The following DCBLD2 variants were observed in gnomAD, a reference collection of about 807,000 sequenced individuals.
DCBLD2 encodes the protein discoidin, CUB and LCCL domain-containing protein 2.
DCBLD2 carries 54 observed loss-of-function variants against 86.8 expected under a neutral mutation model. The ratio of observed to expected loss-of-function variants is 0.62; its 90% CI spans 0.50 to 0.78. The LOEUF is 0.78. Ranked by LOEUF, DCBLD2 falls within the 30% of genes least tolerant of loss-of-function variation. The pLI is 0.00. For synonymous variants in DCBLD2, 354 were observed against 341.3 expected (o/e 1.04, Z -0.41); for missense variants, 908 against 954.2 (o/e 0.95, Z 0.64).
intron 1 of DCBLD2, among the ~76,000 whole-genome samples, chr3:98,884,395 C>A (rs1943523975): frequency 1.3e-5 from 2 of 150,146 alleles, no homozygotes; most frequent in African/African-American, 2.5e-5. Context: ...TAGGATGTTA[C>A]ACAGTCCATA....
At chr3:98,844,343 T>TTTATTATTATTATTATTATTATTATTA (rs10530611) in intron 3 of DCBLD2, among the ~76,000 whole-genome samples, 15 of 145,894 alleles carry the variant, frequency 1.0e-4, no homozygotes, top group African/African-American at 2.5e-4. Context: ...GTCAGTAGCA[T>TTTATTATTATTATTATTATTATTATTA]TTATTATTAT....
intron 2 of DCBLD2, among the ~76,000 whole-genome samples, chr3:98,876,095 G>GT (rs1275365686): frequency 6.6e-6 from 1 of 151,854 alleles, no homozygotes; most frequent in Non-Finnish European, 1.5e-5. Flanking sequence ...TTGAAAAAAA[G>GT]TAACATAAAC....
intron 3 of DCBLD2, among the ~76,000 whole-genome samples, chr3:98,837,778 C>T (rs1942499116): frequency 7.9e-5 from 9 of 114,420 alleles, no homozygotes; most frequent in African/African-American, 2.8e-4. Context: ...CGGGCAGAGG[C>T]GCCCCTCACC....
chr3:98,870,806 A>AAAGAAAAGG (rs1943267099), intron 2 of DCBLD2, among the ~76,000 whole-genome samples: 2 of 123,388 alleles, frequency 1.6e-5, no homozygotes, highest in Non-Finnish European at 3.5e-5. Flanking sequence ...AGAAAGAAAG[A>AAAGAAAAGG]AAGAAAGGTA....
chr3:98,825,426 T>G (rs1942197650), intron 3 of DCBLD2, 60 bp from the exon 4 acceptor site: 1 of 1,271,952 alleles, frequency 7.9e-7, no homozygotes, highest in Non-Finnish European at 1.1e-6. Context: ...TTGCTGAAAC[T>G]CCAAGTGTCT....
chr3:98,817,729 T>A, intron 9 of DCBLD2, 40 bp downstream of exon 9: 1 of 1,604,666 alleles, frequency 6.2e-7, no homozygotes. Flanking sequence ...ACCACCCATT[T>A]AAAAAATGTT....
rs893957827 is a variant in DCBLD2, at chr3:98,812,313, A to T, written c.1363+19T>A. ...TGGCAATCCAGTAAAAACATATCTTAAACGAACTGTCTCTTTACCTTTAGG... is the reference window on the plus strand; with the variant it reads ...TGGCAATCCAGTAAAAACATATCTTTAACGAACTGTCTCTTTACCTTTAGG... On this transcript the variant is annotated intron_variant, in intron 10 of 15. Transcript: ENST00000326840. The T allele has an allele frequency of 6.2e-7, 1 of 1,611,694 alleles. No individual in the cohort carries two copies.
chr3:98,805,924 C>T (rs1048842057), intron 13 of DCBLD2, among the ~76,000 whole-genome samples: 1 of 152,148 alleles, frequency 6.6e-6, no homozygotes, highest in African/African-American at 2.4e-5. Context: ...CACGATCTCT[C>T]AAGTCTGGTC....
intron 2 of DCBLD2, among the ~76,000 whole-genome samples, chr3:98,867,265 G>A (rs990880249): frequency 6.6e-6 from 1 of 152,126 alleles, no homozygotes; most frequent in East Asian, 1.9e-4. Flanking sequence ...TAGCTTGATG[G>A]GGATGGCATT....
At chr3:98,800,232 A>G (rs542419888) in intron 15 of DCBLD2, among the ~76,000 whole-genome samples, 1 of 152,296 alleles carries the variant, frequency 6.6e-6, no homozygotes, top group East Asian at 1.9e-4. Flanking sequence ...AAATATTAGG[A>G]AATGTTTAAA....
intron 2 of DCBLD2, among the ~76,000 whole-genome samples, 163 bp from the exon 3 acceptor site, chr3:98,849,761 GA>G (rs1576180585): frequency 6.6e-6 from 1 of 151,952 alleles, no homozygotes; most frequent in East Asian, 1.9e-4. Context: ...TGCTCTGGAG[GA>G]AAAAAATGAC....
chr3:98,870,801 GAAAGAA>G (rs1458886895), intron 2 of DCBLD2, among the ~76,000 whole-genome samples: 1 of 149,666 alleles, frequency 6.7e-6, no homozygotes, highest in Non-Finnish European at 1.5e-5. Context: ...AAGAAAGAAA[GAAAGAA>G]AGAAAGGTAG....
At chr3:98,841,957 T>C (rs1452008148) in intron 3 of DCBLD2, among the ~76,000 whole-genome samples, 1 of 151,870 alleles carries the variant, frequency 6.6e-6, no homozygotes, top group Non-Finnish European at 1.5e-5. Context: ...CCCAGCTACT[T>C]GGGAGGCTGA....
intron 6 of DCBLD2, chr3:98,820,768 C>CTTTTTT (rs35665866): frequency 6.8e-6 from 1 of 146,026 alleles, no homozygotes; most frequent in African/African-American, 2.5e-5. Flanking sequence ...ATTTCTTTTT[C>CTTTTTT]TTTTTTTTTT....
chr3:98,806,301 G>A (rs2107427175), intron 13 of DCBLD2, among the ~76,000 whole-genome samples: 1 of 152,150 alleles, frequency 6.6e-6, no homozygotes, highest in South Asian at 2.1e-4. Flanking sequence ...AGAAAATACA[G>A]GTATTTGGAA....
chr3:98,815,391 T>G (rs1942003539), intron 9 of DCBLD2: 1 of 152,202 alleles, frequency 6.6e-6, no homozygotes, highest in South Asian at 2.1e-4. Context: ...TCCTGCCTAA[T>G]GAAGTTTAAA....
chr3:98,845,459 G>A (rs1291795495), intron 3 of DCBLD2, among the ~76,000 whole-genome samples: 1 of 152,024 alleles, frequency 6.6e-6, no homozygotes, highest in Non-Finnish European at 1.5e-5. Flanking sequence ...TTTACAAACT[G>A]GCATAATTCT....
At chr3:98,855,357 T>C (rs1942912572) in intron 2 of DCBLD2, among the ~76,000 whole-genome samples, 1 of 152,200 alleles carries the variant, frequency 6.6e-6, no homozygotes, top group African/African-American at 2.4e-5. Context: ...AGAACTCTTA[T>C]ACACTGGTGG....
intron 3 of DCBLD2, among the ~76,000 whole-genome samples, chr3:98,833,384 G>A (rs1942357400): frequency 2.0e-5 from 3 of 152,134 alleles, no homozygotes. Context: ...CCATTCTCCT[G>A]AATCTCGATG....
Sources: allele counts gnomAD v4.1 joint callset (sites outside exome capture counted in the v4.1 genomes callset), GRCh38; gene constraint gnomAD v4.1.1; transcripts MANE v1.5; gene names NCBI Gene and HGNC (gene_info 2026-07-23, HGNC 2026-07-21).